GLB1L2: variants seen among roughly 807,000 people sequenced by gnomAD.
GLB1L2 encodes the protein galactosidase beta 1 like 2.
GLB1L2 carries 68 observed loss-of-function variants against 84.1 expected under a neutral mutation model. That is an observed-to-expected ratio of 0.81 (90% CI 0.67 to 0.99). GLB1L2 has a LOEUF of 0.99. Ranked by LOEUF, GLB1L2 falls within the 50% of genes least tolerant of loss-of-function variation. GLB1L2 has a pLI of 0.00. For synonymous variants in GLB1L2, 290 were observed against 318.0 expected (o/e 0.91, Z 0.94); for missense variants, 762 against 805.6 (o/e 0.95, Z 0.66).
At chr11:134,356,430 C>T (rs1943704045) in intron 6 of GLB1L2, 37 bp downstream of exon 6, 2 of 1,461,382 alleles carry the variant, frequency 1.4e-6, no homozygotes, top group African/African-American at 1.4e-5. Flanking sequence ...TAGATTCCTT[C>T]CTCTGGAGTG....
At position 134,367,361 on chromosome 11, in the gene GLB1L2, A is replaced by G. The variant is rs777745241; in HGVS notation, c.889+20A>G. 1.3e-6 allele frequency: 2 copies of G among 1,597,946 alleles called. No individual in the cohort carries two copies. Among genetic ancestry groups the G allele is most frequent in the Non-Finnish European group, 1.7e-6 (2 of 1,166,002 alleles). On this transcript the variant is annotated intron_variant, in intron 9 of 18. Transcript: ENST00000535456. ...CTTCTGGTGAGTGCTTGCGGTGACTACATCCAGAATGTGTGCTACTTAAGA... is the reference window on the plus strand; with the variant it reads ...CTTCTGGTGAGTGCTTGCGGTGACTGCATCCAGAATGTGTGCTACTTAAGA...
rs557840125 is a variant in GLB1L2 at position 134,353,540 on chromosome 11, T to C, written c.559-2761T>C. Among the ~76,000 whole-genome samples the C allele has an allele frequency of 5.9e-5, 9 of 152,336 alleles. No individual in the cohort carries two copies. The South Asian group carries it at 1.7e-3, about 28-fold the overall frequency. Reference sequence around the variant, plus strand: ...TTTTGGGTGGAATGTTGTGTATATATATGTTTGGTCCAACTGGTCCATAAT... The same window carrying C: ...TTTTGGGTGGAATGTTGTGTATATACATGTTTGGTCCAACTGGTCCATAAT... On this transcript the variant is annotated intron_variant, in intron 5 of 18. Transcript: ENST00000535456.
intron 5 of GLB1L2, among the ~76,000 whole-genome samples, chr11:134,349,409 C>G (rs1489031470): frequency 6.6e-6 from 1 of 152,220 alleles, no homozygotes; most frequent in African/African-American, 2.4e-5. Context: ...CATGGGTGTA[C>G]AAATACCTTT....
intron 8 of GLB1L2, among the ~76,000 whole-genome samples, chr11:134,366,676 A>C (rs1290808173): frequency 6.6e-6 from 1 of 152,218 alleles, no homozygotes; most frequent in Non-Finnish European, 1.5e-5. Flanking sequence ...TGAGTGGCCC[A>C]GCCAAGGTAT....
At chr11:134,372,436 C>T (rs1028606358) in intron 15 of GLB1L2, 4 of 152,040 alleles carry the variant, frequency 2.6e-5, no homozygotes, top group East Asian at 1.9e-4. Flanking sequence ...CCAGGCCAGA[C>T]TGCAGTGGTG....
rs140811960 is a variant in GLB1L2, at chr11:134,371,062, A to G, written c.1270A>G (p.Asn424Asp). 3 of 1,614,156 alleles carry G rather than the reference A, an allele frequency of 1.9e-6. No homozygotes were observed. The highest frequency in any genetic ancestry group is 2.5e-6 in the Non-Finnish European group (3 of 1,180,026). Reference sequence around the variant, plus strand: ...GGAGAACCTGCCAGTCAATGGGGGAAATGGACAGTCCTTCGGGTACATTCT... The same window carrying G: ...GGAGAACCTGCCAGTCAATGGGGGAGATGGACAGTCCTTCGGGTACATTCT... Reference protein sequence around the residue: ...NMENLPVNGGNGQSFGYILYE... With the variant: ...NMENLPVNGGDGQSFGYILYE... Residue 424 changes from asparagine to aspartate, a missense_variant, in exon 13 of 19, where the codon AAT becomes GAT. By Grantham distance (23) the Asn-to-Asp change is conservative. Coordinates refer to ENST00000535456, the MANE Select transcript of GLB1L2 (RefSeq NM_001370461.1).
chr11:134,358,962 T>C, intron 6 of GLB1L2, 98 bp from the exon 7 acceptor site: 2 of 794,298 alleles, frequency 2.5e-6, no homozygotes, highest in South Asian at 3.9e-5. Context: ...TTGTCATCTC[T>C]CCTTCTAGCT....
At chr11:134,372,610 A>T (rs1193279134) in intron 15 of GLB1L2, 1 of 152,262 alleles carries the variant, frequency 6.6e-6, no homozygotes, top group African/African-American at 2.4e-5. Flanking sequence ...TAAGTTATAA[A>T]AAAAGAACTC....
chr11:134,347,191 C>A, intron 4 of GLB1L2, 134 bp from the exon 5 acceptor site: 2 of 727,982 alleles, frequency 2.7e-6, no homozygotes, highest in South Asian at 1.6e-5. Flanking sequence ...CACTTCTGGG[C>A]TCAGTGGGGT....
chr11:134,358,917 CTT>C (rs1943743179), intron 6 of GLB1L2, 141 bp from the exon 7 acceptor site: 4 of 587,716 alleles, frequency 6.8e-6, no homozygotes, highest in African/African-American at 3.8e-5. Flanking sequence ...TGGCAGGAGA[CTT>C]TTCTGTTTTT....
Position 134,370,012 on chromosome 11 carries a change from C to T in GLB1L2, c.1108+127C>T, listed in dbSNP as rs753785489. ...GATCTGCGTGCAAGAATATCCTAGA[C>T]AAGGACAGGGAGGTGTGTGAGGCTG... On this transcript the variant is annotated intron_variant, in intron 11 of 18. Transcript: ENST00000535456. This position sits in a 1 kb window ranked among gnomAD's most constrained non-coding sequence, Gnocchi z 4.7. 39 of 795,836 alleles carry T rather than the reference C, an allele frequency of 4.9e-5. No homozygotes were observed. Among genetic ancestry groups the T allele is most frequent in the Admixed American group, 9.1e-5 (4 of 43,756 alleles). The allele number at this position is 795,836 out of a possible 1,614,324, so 49.3% of individuals were successfully genotyped here. A position where few individuals can be genotyped will look rare whatever the true frequency, so the allele number is the denominator to read the frequency against.
At chr11:134,369,457 AG>A (rs910912758) in intron 10 of GLB1L2, among the ~76,000 whole-genome samples, 55 of 143,772 alleles carry the variant, frequency 3.8e-4, no homozygotes, top group Middle Eastern at 3.5e-3. Flanking sequence ...GGCCTCCCAA[AG>A]TGCTGGGATT....
rs1944000664 is a variant in GLB1L2 at position 134,374,589 on chromosome 11, C to T, written c.1708-13C>T. Reference sequence around the variant, plus strand: ...TCTCGTGGTAGATGAACACCCTTCCCCTCTGTTTCAAGGGCTGGGAGAAGG... The same window carrying T: ...TCTCGTGGTAGATGAACACCCTTCCTCTCTGTTTCAAGGGCTGGGAGAAGG... On this transcript the variant is annotated splice_polypyrimidine_tract_variant and intron_variant, in intron 17 of 18. Coordinates refer to ENST00000535456, the MANE Select transcript of GLB1L2 (RefSeq NM_001370461.1). 3 of 1,601,500 alleles carry T rather than the reference C, an allele frequency of 1.9e-6. No individual in the cohort carries two copies. The highest frequency in any genetic ancestry group is 1.7e-6 in the Non-Finnish European group (2 of 1,168,642).
rs755720844 is a variant in GLB1L2, at chr11:134,374,947, TC to T, written c.1825-22del. ...GCTCCAGGACAGACGTCAGCTGCCC[TC>T]CCAGCCGGGCCCTCTCTCCACAGGT... On this transcript the variant is annotated intron_variant, in intron 18 of 18. Transcript: ENST00000535456. 8.1e-6 allele frequency: 13 copies of T among 1,605,580 alleles called. 1 individual carries two copies. The East Asian group carries it at 2.9e-4, about 36-fold the overall frequency.
At chr11:134,364,070 G>C (rs1403453733) in intron 7 of GLB1L2, among the ~76,000 whole-genome samples, 2 of 152,176 alleles carry the variant, frequency 1.3e-5, no homozygotes, top group Non-Finnish European at 2.9e-5. Flanking sequence ...TAGTAGAGAG[G>C]GGGTTTCACC....
At chr11:134,336,406 T>C (rs1170986132) in intron 1 of GLB1L2, among the ~76,000 whole-genome samples, 1 of 152,218 alleles carries the variant, frequency 6.6e-6, no homozygotes, top group Non-Finnish European at 1.5e-5. Context: ...AAATATTCTA[T>C]GCATATACAA....
chr11:134,368,586 C>G, intron 9 of GLB1L2, 58 bp from the exon 10 acceptor site: 1 of 1,595,978 alleles, frequency 6.3e-7, no homozygotes, highest in Non-Finnish European at 8.6e-7. Flanking sequence ...TGAAGGGACC[C>G]CGGCTCATCT....
intron 15 of GLB1L2, 105 bp from the exon 16 acceptor site, chr11:134,373,616 C>T: frequency 1.4e-6 from 1 of 736,686 alleles, no homozygotes; most frequent in South Asian, 1.6e-5. Context: ...GCGTACACTT[C>T]AGCACCCCTC....
chr11:134,371,305 G>A (rs1364120961), intron 13 of GLB1L2, 116 bp from the exon 14 acceptor site: 2 of 1,208,506 alleles, frequency 1.7e-6, no homozygotes, highest in Non-Finnish European at 2.5e-6. Flanking sequence ...TGTCTGCTCT[G>A]CCCACTGGCC....
Sources: gnomAD v4.1 joint callset for allele counts (sites outside exome capture counted in the v4.1 genomes callset) on GRCh38, gnomAD v4.1.1 for gene constraint, Gnocchi (gnomAD v3.1) non-coding constraint, MANE v1.5 for transcripts, NCBI Gene and HGNC (gene_info 2026-07-23, HGNC 2026-07-21) for gene names.